The following HNRNPC variants were observed in gnomAD, a reference collection of about 807,000 sequenced individuals.
The protein encoded by HNRNPC is heterogeneous nuclear ribonucleoprotein C, also known as heterogeneous nuclear ribonucleoproteins C1/C2.
Under a neutral mutation model 33.2 loss-of-function variants are expected in HNRNPC, and 3 were observed. The ratio of observed to expected loss-of-function variants is 0.09; its 90% CI spans 0.04 to 0.23. The LOEUF (loss-of-function observed/expected upper bound fraction) is 0.23, where lower values mean the gene tolerates loss of function less well. Ranked by LOEUF, HNRNPC falls within the 10% of genes least tolerant of loss-of-function variation. The pLI, the probability that HNRNPC is intolerant of heterozygous loss-of-function variation, is 1.00. For synonymous variants in HNRNPC, 121 were observed against 126.7 expected (o/e 0.96, Z 0.30); for missense variants, 143 against 366.7 (o/e 0.39, Z 4.98).
At chr14:21,263,426 T>C (rs1878519222) in intron 1 of HNRNPC, 90 bp from the exon 2 acceptor site, 1 of 152,328 alleles carries the variant, frequency 6.6e-6, no homozygotes, top group African/African-American at 2.4e-5. Flanking sequence ...CTTTTCTCTT[T>C]CCAAAAGCAG....
chr14:21,238,177 A>C (rs1894934826), intron 2 of HNRNPC, among the ~76,000 whole-genome samples: 3 of 152,250 alleles, frequency 2.0e-5, no homozygotes, highest in Admixed American at 1.3e-4. Context: ...ACAGATCTAA[A>C]TTACTTGGTC....
chr14:21,222,372 G>A (rs748101151), intron 5 of HNRNPC, among the ~76,000 whole-genome samples: 1 of 152,052 alleles, frequency 6.6e-6, no homozygotes, highest in Non-Finnish European at 1.5e-5. Context: ...CTCCATGGCA[G>A]AATTTGTTTT....
chr14:21,236,586 C>A (rs61979513), intron 2 of HNRNPC: 25 of 152,292 alleles, frequency 1.6e-4, no homozygotes, highest in Non-Finnish European at 3.1e-4. Context: ...GTCCTGAGAG[C>A]TTCCTTAAAT....
chr14:21,242,927 C>T (rs538159378), intron 2 of HNRNPC, among the ~76,000 whole-genome samples: 54 of 152,280 alleles, frequency 3.5e-4, no homozygotes, highest in African/African-American at 1.2e-3. Context: ...AAAAGCAGTG[C>T]CGGCATGGCC....
intron 2 of HNRNPC, among the ~76,000 whole-genome samples, chr14:21,246,422 C>T (rs1024904111): frequency 6.6e-6 from 1 of 151,790 alleles, no homozygotes; most frequent in Non-Finnish European, 1.5e-5. Context: ...AAAAATTAGC[C>T]GGGCGTGTTG....
chr14:21,252,634 AAT>A (rs1896797393), intron 2 of HNRNPC, among the ~76,000 whole-genome samples: 1 of 152,230 alleles, frequency 6.6e-6, no homozygotes, highest in African/African-American at 2.4e-5. Context: ...TTAGTATTAA[AAT>A]AGTTAATTTA....
Position 21,212,946 on chromosome 14 carries a change from G to T in HNRNPC, c.523+14C>A. On this transcript the variant is annotated intron_variant, in intron 6 of 8. Transcript: ENST00000553300. Reference sequence around the variant, plus strand: ...ACAAGAGATACCAAAATCACAAAATGAAATAATACATACACTTTCCAGACT... The same window carrying T: ...ACAAGAGATACCAAAATCACAAAATTAAATAATACATACACTTTCCAGACT... The T allele has an allele frequency of 6.2e-7, 1 of 1,613,306 alleles. No homozygotes were observed. The highest frequency in any genetic ancestry group is 8.5e-7 in the Non-Finnish European group (1 of 1,179,700).
intron 2 of HNRNPC, among the ~76,000 whole-genome samples, chr14:21,248,358 C>T (rs1414056324): frequency 6.6e-6 from 1 of 152,186 alleles, no homozygotes; most frequent in African/African-American, 2.4e-5. Context: ...ACATGTGTTT[C>T]AAGATCAACA....
intron 3 of HNRNPC, among the ~76,000 whole-genome samples, chr14:21,232,445 C>CT (rs1894216371): frequency 6.6e-6 from 1 of 152,088 alleles, no homozygotes; most frequent in South Asian, 2.1e-4. Context: ...TCACGGCTCA[C>CT]TGTAACCTCC....
At chr14:21,247,894 T>C (rs1053291132) in intron 2 of HNRNPC, among the ~76,000 whole-genome samples, 1 of 148,888 alleles carries the variant, frequency 6.7e-6, no homozygotes, top group Non-Finnish European at 1.5e-5. Context: ...GGCCGAGGCA[T>C]GAGAAAGAAT....
rs571265692 is a variant in HNRNPC, at chr14:21,268,135, G to A, written c.-63+1163C>T. On this transcript the variant is annotated intron_variant, in intron 1 of 8. Coordinates refer to ENST00000553300, the MANE Select transcript of HNRNPC (RefSeq NM_004500.4). ...TCATGTGAGGATTAAAAAAAGCGAT[G>A]TCCCAGATAAGTCAATGTGACACTA... Among the ~76,000 whole-genome samples the A allele has an allele frequency of 5.9e-5, 9 of 152,268 alleles. No individual in the cohort carries two copies. In the South Asian group the frequency reaches 1.9e-3, roughly 31 times the overall value.
chr14:21,250,084 T>C (rs1044230044), intron 2 of HNRNPC, among the ~76,000 whole-genome samples: 4 of 151,998 alleles, frequency 2.6e-5, no homozygotes, highest in African/African-American at 9.7e-5. Context: ...GTATACTAAA[T>C]TCATTAAAAA....
At chr14:21,268,644 T>C (rs560430775) in intron 1 of HNRNPC, 7 of 152,150 alleles carry the variant, frequency 4.6e-5, no homozygotes, top group African/African-American at 1.7e-4. Context: ...TTCCACTAAC[T>C]TATATATTTC....
chr14:21,253,299 A>C, intron 2 of HNRNPC, among the ~76,000 whole-genome samples: 1 of 149,954 alleles, frequency 6.7e-6, no homozygotes, highest in African/African-American at 2.4e-5. Flanking sequence ...ATATGGTGAA[A>C]CCCCATCTCT....
Position 21,211,030 on chromosome 14 carries a change from A to C in HNRNPC, c.*193T>G. On this transcript the variant is annotated 3_prime_UTR_variant, in exon 9 of 9. Transcript: ENST00000553300. ...GGTAAGACTTAACAAAACTACTAGG[A>C]GCGTCAAAGGAAGTGAAAATGGGAC... 1.6e-6 allele frequency: 1 copy of C among 609,834 alleles called. No homozygotes were observed. The highest frequency in any genetic ancestry group is 2.9e-6 in the Non-Finnish European group (1 of 346,104). 37.8% of individuals were successfully genotyped at this position (609,834 alleles called of 1,614,324 possible).
At chr14:21,222,504 C>T (rs1404626169) in intron 5 of HNRNPC, among the ~76,000 whole-genome samples, 2 of 152,116 alleles carry the variant, frequency 1.3e-5, no homozygotes, top group Non-Finnish European at 2.9e-5. Context: ...CCGTGTTGTA[C>T]CATGTATCAG....
intron 2 of HNRNPC, among the ~76,000 whole-genome samples, chr14:21,235,873 G>A (rs939893195): frequency 1.3e-5 from 2 of 152,018 alleles, no homozygotes; most frequent in African/African-American, 4.8e-5. Flanking sequence ...TACCAGGGGT[G>A]AGGGGCTCCG....
rs1306898003 is a variant in HNRNPC, at chr14:21,219,297, G to C, written c.366-6180C>G. Among the ~76,000 whole-genome samples the C allele has an allele frequency of 2.0e-5, 3 of 152,122 alleles. No homozygotes were observed. In the East Asian group the frequency reaches 5.8e-4, roughly 29 times the overall value. On this transcript the variant is annotated intron_variant, in intron 5 of 8. Coordinates refer to ENST00000553300, the MANE Select transcript of HNRNPC (RefSeq NM_004500.4). ...GAGAACTGGGAACTATTTCTATCTT[G>C]GTTATAGTTATGGTTATATGACTAT...
chr14:21,237,153 G>A (rs553317089), intron 2 of HNRNPC, among the ~76,000 whole-genome samples: 1 of 152,290 alleles, frequency 6.6e-6, no homozygotes, highest in South Asian at 2.1e-4. Flanking sequence ...TCCCTGTAAA[G>A]TCTCATAAGT....
Sources: gnomAD v4.1 joint callset for allele counts (sites outside exome capture counted in the v4.1 genomes callset) on GRCh38, gnomAD v4.1.1 for gene constraint, MANE v1.5 for transcripts, NCBI Gene and HGNC (gene_info 2026-07-23, HGNC 2026-07-21) for gene names.